Variants in SGMS1 observed in about 807,000 individuals in gnomAD.
The protein encoded by SGMS1 is phosphatidylcholine:ceramide cholinephosphotransferase 1.
A neutral mutation model predicts 46.2 loss-of-function variants in SGMS1; 13 were observed. The ratio of observed to expected loss-of-function variants is 0.28; its 90% CI spans 0.18 to 0.45. The LOEUF (loss-of-function observed/expected upper bound fraction) is 0.45, where lower values mean the gene tolerates loss of function less well. SGMS1 is among the 20% of genes least tolerant of loss of function. SGMS1 has a pLI of 1.00. For synonymous variants in SGMS1, 203 were observed against 187.8 expected, an observed-to-expected ratio of 1.08 and a Z score of -0.66; for missense variants, 324 against 519.9, an observed-to-expected ratio of 0.62 and a Z score of 3.66.
chr10:50,363,506 C>T (rs1486476231), intron 6 of SGMS1, among the ~76,000 whole-genome samples: 2 of 152,272 alleles, frequency 1.3e-5, no homozygotes, highest in East Asian at 3.9e-4. Flanking sequence ...ACTGCCTCTT[C>T]CCCACACCAT....
At chr10:50,462,014 C>G (rs1185377819) in intron 4 of SGMS1, among the ~76,000 whole-genome samples, 2 of 152,006 alleles carry the variant, frequency 1.3e-5, no homozygotes, top group African/African-American at 4.8e-5. Flanking sequence ...TAAAAGTATT[C>G]AATTAAAGTT....
At chr10:50,622,914 G>C (rs910578820) in intron 1 of SGMS1, among the ~76,000 whole-genome samples, 1 of 152,256 alleles carries the variant, frequency 6.6e-6, no homozygotes, top group Middle Eastern at 3.2e-3. Context: ...TTTTGCCCTT[G>C]ACACGTCGCT....
intron 2 of SGMS1, among the ~76,000 whole-genome samples, chr10:50,520,348 C>G (rs2133787852): frequency 6.6e-6 from 1 of 152,138 alleles, no homozygotes; most frequent in South Asian, 2.1e-4. Context: ...CGTGATTGCA[C>G]TCTAGCCTGG....
chr10:50,397,362 G>C (rs532190615), intron 6 of SGMS1, among the ~76,000 whole-genome samples: 1 of 152,304 alleles, frequency 6.6e-6, no homozygotes, highest in African/African-American at 2.4e-5. Context: ...AAAGCAAGAT[G>C]AAGATGTTAA....
intron 6 of SGMS1, among the ~76,000 whole-genome samples, chr10:50,386,014 C>G (rs1377123697): frequency 3.9e-5 from 6 of 152,108 alleles, no homozygotes; most frequent in Non-Finnish European, 8.8e-5. Flanking sequence ...TCTTCTGCAG[C>G]TGTCTTTGCT....
At chr10:50,590,519 A>C (rs1838530348) in intron 1 of SGMS1, 1 of 152,200 alleles carries the variant, frequency 6.6e-6, no homozygotes, top group Non-Finnish European at 1.5e-5. Flanking sequence ...ACTTTATTGA[A>C]GTATGATTGA....
chr10:50,494,765 G>A (rs1007418746), intron 3 of SGMS1, among the ~76,000 whole-genome samples: 12 of 152,152 alleles, frequency 7.9e-5, no homozygotes, highest in South Asian at 2.1e-4. Context: ...GGCCGGGCGC[G>A]GTGGCTCACA....
chr10:50,388,473 A>T (rs977289525), intron 6 of SGMS1, among the ~76,000 whole-genome samples: 6 of 122,622 alleles, frequency 4.9e-5, no homozygotes, highest in Non-Finnish European at 6.3e-5. Flanking sequence ...GTCTCTACTA[A>T]AAAAAAAAAA....
At chr10:50,494,405 A>G (rs2133744663) in intron 3 of SGMS1, among the ~76,000 whole-genome samples, 1 of 152,380 alleles carries the variant, frequency 6.6e-6, no homozygotes, top group South Asian at 2.1e-4. Flanking sequence ...TAGACTGGAT[A>G]AAGGAAACGT....
At chr10:50,493,793 A>G (rs2133743505) in intron 3 of SGMS1, among the ~76,000 whole-genome samples, 1 of 152,132 alleles carries the variant, frequency 6.6e-6, no homozygotes, top group East Asian at 1.9e-4. Flanking sequence ...CAGAATGGCT[A>G]TTATTTTCCA....
chr10:50,490,917 A>T (rs1367182372), intron 3 of SGMS1, among the ~76,000 whole-genome samples: 1 of 152,226 alleles, frequency 6.6e-6, no homozygotes, highest in African/African-American at 2.4e-5. Context: ...AAATCTCAAT[A>T]ACTACACCCA....
intron 3 of SGMS1, among the ~76,000 whole-genome samples, chr10:50,489,552 G>C (rs1400491003): frequency 2.0e-5 from 3 of 152,236 alleles, no homozygotes; most frequent in Non-Finnish European, 1.5e-5. Context: ...TTAAGGGAAA[G>C]ACCATGTTTG....
At chr10:50,583,816 C>G (rs1164865848) in intron 2 of SGMS1, among the ~76,000 whole-genome samples, 1 of 152,118 alleles carries the variant, frequency 6.6e-6, no homozygotes, top group Non-Finnish European at 1.5e-5. Flanking sequence ...AGTACTTTCC[C>G]CTCTCTAAAA....
chr10:50,320,447 TACTTA>T (rs1847422395), intron 8 of SGMS1, among the ~76,000 whole-genome samples: 4 of 152,338 alleles, frequency 2.6e-5, no homozygotes, highest in Admixed American at 1.3e-4. Flanking sequence ...AATTTGATAC[TACTTA>T]AGTCTACTTC....
At chr10:50,367,225 G>A (rs1296320563) in intron 6 of SGMS1, among the ~76,000 whole-genome samples, 1 of 152,208 alleles carries the variant, frequency 6.6e-6, no homozygotes, top group African/African-American at 2.4e-5. Flanking sequence ...ATAAATTGGA[G>A]TGACTGAGGT....
intron 6 of SGMS1, among the ~76,000 whole-genome samples, chr10:50,427,370 G>A (rs534793601): frequency 6.6e-6 from 1 of 152,328 alleles, no homozygotes; most frequent in South Asian, 2.1e-4. Context: ...CAGCACTCCA[G>A]CCTGTGTAAC....
chr10:50,621,864 G>GGCA (rs997632971), intron 1 of SGMS1, among the ~76,000 whole-genome samples: 42 of 152,284 alleles, frequency 2.8e-4, no homozygotes, highest in African/African-American at 1.0e-3. Context: ...ACTGCATGGC[G>GGCA]GCAGCAGCCA....
At chr10:50,537,950 A>G (rs963557096) in intron 2 of SGMS1, among the ~76,000 whole-genome samples, 3 of 152,034 alleles carry the variant, frequency 2.0e-5, no homozygotes, top group Non-Finnish European at 4.4e-5. Flanking sequence ...TATGAATCCC[A>G]TTACATATTA....
At chr10:50,499,905 A>G (rs901612360) in intron 3 of SGMS1, among the ~76,000 whole-genome samples, 2 of 152,242 alleles carry the variant, frequency 1.3e-5, no homozygotes, top group African/African-American at 4.8e-5. Flanking sequence ...GCAGTGGCTC[A>G]CGCCTGTAAT....
Sources: allele counts gnomAD v4.1 joint callset (sites outside exome capture counted in the v4.1 genomes callset), GRCh38; gene constraint gnomAD v4.1.1; transcripts MANE v1.5; gene names NCBI Gene and HGNC (gene_info 2026-07-23, HGNC 2026-07-21).